The following PGR variants were observed in gnomAD, a reference collection of about 807,000 sequenced individuals.
The protein encoded by PGR is nuclear receptor subfamily 3 group C member 3.
Under a neutral mutation model 76.1 loss-of-function variants are expected in PGR, and 25 were observed. The observed-to-expected ratio is 0.33, with a 90% confidence interval of 0.24 to 0.46. The LOEUF is 0.46. Ranked by LOEUF, PGR falls within the 20% of genes least tolerant of loss-of-function variation. The pLI, the probability that PGR is intolerant of heterozygous loss-of-function variation, is 1.00. For missense variants in PGR, 1,172 were observed against 1,225.3 expected, an observed-to-expected ratio of 0.96 and a Z score of 0.65; for synonymous variants, 579 against 535.0, an observed-to-expected ratio of 1.08 and a Z score of -1.14.
At chr11:101,108,279 A>C (rs2135482520) in intron 2 of PGR, among the ~76,000 whole-genome samples, 1 of 149,954 alleles carries the variant, frequency 6.7e-6, no homozygotes, top group East Asian at 2.0e-4. Context: ...GAGCCTAGGC[A>C]AGGTGGTTTA....
Position 101,128,497 on chromosome 11 carries a change from C to G in PGR, c.574G>C (p.Ala192Pro). ...HKVLPRGLSP[A>P]RQLLLPASES... ...GAGGCCGGGAGCAGCAGCTGCCGGG[C>G]TGGTGACAGGCCCCGGGGCAGCACT... Residue 192 changes from alanine to proline, a missense_variant, in exon 1 of 8, where the codon GCC becomes CCC. Coordinates refer to ENST00000325455, the MANE Select transcript of PGR (RefSeq NM_000926.4). 4 of 1,605,312 alleles carry G rather than the reference C, an allele frequency of 2.5e-6. No homozygotes were observed. The South Asian group carries it at 4.4e-5, about 18-fold the overall frequency.
intron 3 of PGR, among the ~76,000 whole-genome samples, chr11:101,066,796 G>C (rs996752652): frequency 6.6e-6 from 1 of 152,100 alleles, no homozygotes; most frequent in Non-Finnish European, 1.5e-5. Flanking sequence ...GCAAATCCTA[G>C]TGGATAACCA....
At chr11:101,110,246 A>T (rs1285465249) in intron 2 of PGR, among the ~76,000 whole-genome samples, 2 of 152,204 alleles carry the variant, frequency 1.3e-5, no homozygotes, top group African/African-American at 2.4e-5. Context: ...ATAGATTGTA[A>T]TTCCTCTGAT....
intron 3 of PGR, among the ~76,000 whole-genome samples, chr11:101,086,163 C>A (rs1465903275): frequency 6.6e-6 from 1 of 152,134 alleles, no homozygotes; most frequent in Admixed American, 6.5e-5. Flanking sequence ...AACTATAGGA[C>A]AATATCTCTG....
rs567228670 is a variant in PGR at position 101,033,305 on chromosome 11, C to G, written c.*5811G>C. 1 of 203,858 alleles carries G rather than the reference C, an allele frequency of 4.9e-6. No homozygotes were observed. The highest frequency in any genetic ancestry group is 7.6e-5 in the East Asian group (1 of 13,230). 12.6% of individuals were successfully genotyped at this position (203,858 alleles called of 1,614,324 possible). ...ATGGAGAACAAGCAGAGCCACATCT[C>G]TGTTTCAACAAGAATATGGTATGTT... On this transcript the variant is annotated 3_prime_UTR_variant, in exon 8 of 8. Transcript: ENST00000325455.
At chr11:101,044,183 G>A (rs927274613) in intron 6 of PGR, among the ~76,000 whole-genome samples, 7 of 152,152 alleles carry the variant, frequency 4.6e-5, no homozygotes, top group South Asian at 2.1e-4. Context: ...CATAAGTAGC[G>A]ATAATCTTAC....
chr11:101,088,983 G>A (rs1861588240), intron 3 of PGR, among the ~76,000 whole-genome samples: 1 of 152,182 alleles, frequency 6.6e-6, no homozygotes, highest in Non-Finnish European at 1.5e-5. Context: ...GCTAGACATT[G>A]GGTATTCATG....
chr11:101,051,323 A>G, intron 5 of PGR, 101 bp downstream of exon 5: 2 of 809,810 alleles, frequency 2.5e-6, no homozygotes. Flanking sequence ...ATGTCATCAT[A>G]TCAAGAACAC....
intron 2 of PGR, among the ~76,000 whole-genome samples, chr11:101,100,212 C>T (rs1388130435): frequency 6.6e-6 from 1 of 152,098 alleles, no homozygotes; most frequent in Non-Finnish European, 1.5e-5. Context: ...TCGTGATCAT[C>T]ATGAGCAGTG....
Position 101,129,251 on chromosome 11 carries a change from C to A in PGR, c.-181G>T, listed in dbSNP as rs1231546180. The A allele has an allele frequency of 5.6e-6, 3 of 533,234 alleles. No individual in the cohort carries two copies. Among genetic ancestry groups the A allele is most frequent in the Non-Finnish European group, 9.9e-6 (3 of 302,068 alleles). 33.0% of individuals were successfully genotyped at this position (533,234 alleles called of 1,614,324 possible). ...GGAGGGCGGCGCTGGTCAGCTCCTG[C>A]CCTTGGCCTCCATCCTGTCGTCAGG... is the stretch of plus-strand genomic sequence containing the variant. On this transcript the variant is annotated 5_prime_UTR_variant, in exon 1 of 8. Coordinates refer to ENST00000325455, the MANE Select transcript of PGR (RefSeq NM_000926.4).
At position 101,032,388 on chromosome 11, in the gene PGR, C is replaced by T. The variant is rs1339526322; in HGVS notation, c.*6728G>A. On this transcript the variant is annotated 3_prime_UTR_variant, in exon 8 of 8. Transcript: ENST00000325455. The stretch of plus-strand genomic sequence containing the variant: ...TTCTAAAATATTCATATGAATTGTG[C>T]TGCTTTCCTGTTTACAACAGAATCA... 1 of 232,394 alleles carries T rather than the reference C, an allele frequency of 4.3e-6. No individual in the cohort carries two copies. Among genetic ancestry groups the T allele is most frequent in the Non-Finnish European group, 8.5e-6 (1 of 117,630 alleles). The allele number at this position is 232,394 out of a possible 1,614,324, so 14.4% of individuals were successfully genotyped here. A position where few individuals can be genotyped will look rare whatever the true frequency, so the allele number is the denominator to read the frequency against.
Position 101,113,961 on chromosome 11 carries a change from C to T in PGR, c.1789+12046G>A, listed in dbSNP as rs186229317. On this transcript the variant is annotated intron_variant, in intron 2 of 7. Transcript: ENST00000325455. ...TCATACTTTCATCCGCCCCCCCATC[C>T]AAAGTGGCCTCTGGATGGGCCTTTG... Among the ~76,000 whole-genome samples the T allele has an allele frequency of 2.5e-3, 387 of 152,256 alleles. 3 individuals carry two copies. Among genetic ancestry groups the T allele is most frequent in the Non-Finnish European group, 9.3e-4 (63 of 68,022 alleles).
At position 101,129,057 on chromosome 11, in the gene PGR, T is replaced by G. The variant is rs1256369660; in HGVS notation, c.14A>C (p.Lys5Thr). Residue 5 changes from lysine (K) to threonine (T), a missense_variant, in exon 1 of 8, where the codon AAG (lysine) becomes ACG (threonine). Around this residue, in one of 4 missense-constraint regions of PGR, gnomAD observed 893 missense variants for 785.9 expected, o/e 1.14. Coordinates refer to ENST00000325455, the MANE Select transcript of PGR (RefSeq NM_000926.4). ...GTGGGGAGCCCGGGGACCCTTTGCC[T>G]TCAGCTCAGTCATGACGACTGGACT... MTELKAKGPRAPHVA... is the reference protein window; with the variant it reads MTELTAKGPRAPHVA... 7 of 1,552,814 alleles carry G rather than the reference T, an allele frequency of 4.5e-6. No homozygotes were observed. In the South Asian group the frequency reaches 7.1e-5, roughly 16 times the overall value.
intron 3 of PGR, among the ~76,000 whole-genome samples, chr11:101,088,023 G>T (rs879850276): frequency 7.0e-6 from 1 of 142,454 alleles, no homozygotes; most frequent in Non-Finnish European, 1.5e-5. Context: ...AGACCTTATC[G>T]TTACAAAAAA....
chr11:101,121,344 A>G (rs967805788), intron 2 of PGR, among the ~76,000 whole-genome samples: 1 of 152,220 alleles, frequency 6.6e-6, no homozygotes, highest in African/African-American at 2.4e-5. Flanking sequence ...AAAGATGGAG[A>G]AAGCATTACA....
At chr11:101,123,612 A>G (rs929381342) in intron 2 of PGR, among the ~76,000 whole-genome samples, 1 of 152,140 alleles carries the variant, frequency 6.6e-6, no homozygotes, top group Admixed American at 6.5e-5. Flanking sequence ...CTCTTCTTTG[A>G]CTGTATACAC....
intron 3 of PGR, among the ~76,000 whole-genome samples, chr11:101,085,525 T>TAAAAGAAAAAA (rs1861464889): frequency 2.4e-5 from 1 of 42,276 alleles, no homozygotes; most frequent in Non-Finnish European, 3.9e-5. Context: ...CTAGAGGAAC[T>TAAAAGAAAAAA]AAAAAAAAAA....
At chr11:101,111,053 T>A (rs558161840) in intron 2 of PGR, among the ~76,000 whole-genome samples, 1 of 152,340 alleles carries the variant, frequency 6.6e-6, no homozygotes, top group African/African-American at 2.4e-5. Context: ...CTTTTTTAGA[T>A]ACCAGAAAGC....
intron 3 of PGR, among the ~76,000 whole-genome samples, chr11:101,076,732 A>G (rs1442086665): frequency 6.6e-6 from 1 of 151,660 alleles, no homozygotes; most frequent in African/African-American, 2.4e-5. Flanking sequence ...TATCTCAGCA[A>G]AAATCCTATA....
Sources: gnomAD v4.1 joint callset for allele counts (sites outside exome capture counted in the v4.1 genomes callset) on GRCh38, gnomAD v4.1.1 for gene constraint, gnomAD v4.1.1 regional missense constraint, MANE v1.5 for transcripts, NCBI Gene and HGNC (gene_info 2026-07-23, HGNC 2026-07-21) for gene names.